RAPGEF2: variants seen among roughly 807,000 people sequenced by gnomAD.
The protein encoded by RAPGEF2 is Rap guanine nucleotide exchange factor 2, also known as PDZ domain containing guanine nucleotide exchange factor (GEF) 1.
RAPGEF2 carries 54 observed loss-of-function variants against 186.7 expected under a neutral mutation model. That is an observed-to-expected ratio of 0.29 (90% confidence interval 0.23 to 0.36). The LOEUF is 0.36. Ranked by LOEUF, RAPGEF2 falls within the 10% of genes least tolerant of loss-of-function variation. The pLI is 1.00. For missense variants in RAPGEF2, 1,532 were observed against 2,045.0 expected (o/e 0.75, Z 4.84); for synonymous variants, 712 against 705.9 (o/e 1.01, Z -0.14).
Position 159,250,665 on chromosome 4 carries a change from C to CTTTTT in RAPGEF2, c.543+6891_543+6895dup, listed in dbSNP as rs34304252. 1.9e-3 allele frequency among the ~76,000 whole-genome samples: 236 copies of CTTTTT among 122,972 alleles called. 1 individual carries two copies. Among genetic ancestry groups the CTTTTT allele is most frequent in the African/African-American group, 7.0e-3 (219 of 31,406 alleles). The allele number at this position is 122,972 out of a possible 152,430, so 80.7% of individuals were successfully genotyped here. A position where few individuals can be genotyped will look rare whatever the true frequency, so the allele number is the denominator to read the frequency against. On this transcript the variant is annotated intron_variant, in intron 7 of 29. Coordinates refer to ENST00000691494, the MANE Select transcript of RAPGEF2 (RefSeq NM_001394067.2). ...CCTTTCACCAATTATTAGCACTCTT[C>CTTTTT]TTTTTTTTTTTTTTTTTTTTTGGGA...
At chr4:159,120,863 T>G (rs565307158) in intron 1 of RAPGEF2, among the ~76,000 whole-genome samples, 2 of 152,176 alleles carry the variant, frequency 1.3e-5, no homozygotes, top group Non-Finnish European at 2.9e-5. Flanking sequence ...AATTATTTTA[T>G]TTTATTTTTG....
intron 25 of RAPGEF2, among the ~76,000 whole-genome samples, 169 bp from the exon 26 acceptor site, chr4:159,349,968 G>A (rs528515311): frequency 6.6e-6 from 1 of 152,284 alleles, no homozygotes; most frequent in South Asian, 2.1e-4. Flanking sequence ...ACTTCTGTAG[G>A]CACTTACTGT....
intron 9 of RAPGEF2, among the ~76,000 whole-genome samples, chr4:159,318,144 T>C (rs546170696): frequency 8.5e-5 from 13 of 152,158 alleles, no homozygotes; most frequent in East Asian, 1.9e-4. Flanking sequence ...ATGACAATTA[T>C]CATGTTTGCA....
At chr4:159,279,603 A>G (rs1759414011) in intron 7 of RAPGEF2, among the ~76,000 whole-genome samples, 1 of 152,226 alleles carries the variant, frequency 6.6e-6, no homozygotes, top group Non-Finnish European at 1.5e-5. Flanking sequence ...CCTCAGTCTT[A>G]GCCAGAATTG....
chr4:159,308,012 A>G (rs1301037889), intron 8 of RAPGEF2, among the ~76,000 whole-genome samples: 1 of 152,194 alleles, frequency 6.6e-6, no homozygotes, highest in Non-Finnish European at 1.5e-5. Flanking sequence ...CGATTGAGGC[A>G]TATTCTGAGG....
At position 159,353,529 on chromosome 4, in the gene RAPGEF2, A is replaced by G; in HGVS notation, c.4134A>G (p.Thr1378=). 1 of 1,532,840 alleles carries G rather than the reference A, an allele frequency of 6.5e-7. No homozygotes were observed. The highest frequency in any genetic ancestry group is 8.7e-7 in the Non-Finnish European group (1 of 1,143,298). The allele number at this position is 1,532,840 out of a possible 1,614,324, so 95.0% of individuals were successfully genotyped here. The change falls in exon 28 of 30, where the codon ACA becomes ACG. Residue 1378 remains threonine (T), a synonymous_variant. Coordinates refer to ENST00000691494, the MANE Select transcript of RAPGEF2 (RefSeq NM_001394067.2). This position sits in a 1 kb window ranked among gnomAD's most constrained non-coding sequence, Gnocchi z 4.3. ...PMSEGRGLYA[T]ATVISSPSTE... ...CCGAGGGCCGAGGCTTATATGCTAC[A>G]GCTACAGTAATTTCTTCTCCAAGCA... is the stretch of plus-strand genomic sequence containing the variant.
At position 159,103,143 on chromosome 4, in the gene RAPGEF2, A is replaced by G. The variant is rs955451202; in HGVS notation, c.-1020A>G. On this transcript the variant is annotated 5_prime_UTR_variant, in exon 1 of 30. Transcript: ENST00000691494. ...GAAGAGGCGGAGGAAGAGGAGGGGAATCGCCGCTTCCCAAACACTCTCTCC... is the reference window on the plus strand; with the variant it reads ...GAAGAGGCGGAGGAAGAGGAGGGGAGTCGCCGCTTCCCAAACACTCTCTCC... 2.6e-5 allele frequency: 4 copies of G among 151,922 alleles called. No individual in the cohort carries two copies. The highest frequency in any genetic ancestry group is 9.7e-5 in the African/African-American group (4 of 41,394). 9.4% of individuals were successfully genotyped at this position (151,922 alleles called of 1,614,324 possible).
At chr4:159,350,971 C>G in intron 26 of RAPGEF2, 51 of 1,364,954 alleles carry the variant, frequency 3.7e-5, no homozygotes, top group Non-Finnish European at 5.1e-5. Context: ...GTAGATATTT[C>G]AGACATCTGT....
intron 7 of RAPGEF2, among the ~76,000 whole-genome samples, chr4:159,253,284 T>C (rs946049143): frequency 6.6e-6 from 1 of 152,260 alleles, no homozygotes; most frequent in Non-Finnish European, 1.5e-5. Flanking sequence ...CTTACTCTCT[T>C]TTATTAAAAC....
chr4:159,299,411 A>T (rs540154349), intron 7 of RAPGEF2, among the ~76,000 whole-genome samples: 1 of 150,742 alleles, frequency 6.6e-6, no homozygotes, highest in East Asian at 1.9e-4. Flanking sequence ...ATCTTGGACC[A>T]TGAAACTCTC....
intron 4 of RAPGEF2, among the ~76,000 whole-genome samples, chr4:159,224,259 T>C (rs1045761032): frequency 6.6e-6 from 1 of 152,192 alleles, no homozygotes; most frequent in Non-Finnish European, 1.5e-5. Flanking sequence ...GAAAGCATCA[T>C]TGTGGCTGAA....
chr4:159,168,189 T>C (rs2111239589), intron 1 of RAPGEF2, among the ~76,000 whole-genome samples: 1 of 152,342 alleles, frequency 6.6e-6, no homozygotes, highest in Admixed American at 6.5e-5. Flanking sequence ...ATGTTGTTTT[T>C]GAGCCTGATT....
intron 4 of RAPGEF2, among the ~76,000 whole-genome samples, chr4:159,221,760 GT>G (rs1751561379): frequency 6.6e-6 from 1 of 152,108 alleles, no homozygotes; most frequent in Non-Finnish European, 1.5e-5. Flanking sequence ...CCTACTGAAA[GT>G]TGACTCAAGT....
At chr4:159,208,896 T>C (rs1750227133) in intron 3 of RAPGEF2, among the ~76,000 whole-genome samples, 1 of 152,036 alleles carries the variant, frequency 6.6e-6, no homozygotes, top group African/African-American at 2.4e-5. Flanking sequence ...ACAATTTTTT[T>C]TTTTGTTTTT....
At chr4:159,261,920 C>CT (rs1561168019) in intron 7 of RAPGEF2, among the ~76,000 whole-genome samples, 1 of 152,108 alleles carries the variant, frequency 6.6e-6, no homozygotes, top group East Asian at 1.9e-4. Context: ...TCATGTAGGT[C>CT]TTTATATTTA....
Position 159,358,292 on chromosome 4 carries a change from C to T in RAPGEF2, c.*153C>T. 1 of 659,454 alleles carries T rather than the reference C, an allele frequency of 1.5e-6. No individual in the cohort carries two copies. Among genetic ancestry groups the T allele is most frequent in the Non-Finnish European group, 2.6e-6 (1 of 387,572 alleles). The allele number at this position is 659,454 out of a possible 1,614,324, so 40.9% of individuals were successfully genotyped here. ...AAAGCAGCATGGGGCTTCTTCTCCC[C>T]TTCTTCCTTTCCCCTTTGCATGTGA... On this transcript the variant is annotated 3_prime_UTR_variant, in exon 30 of 30. Coordinates refer to ENST00000691494, the MANE Select transcript of RAPGEF2 (RefSeq NM_001394067.2).
At chr4:159,350,044 T>G (rs1730946681) in intron 25 of RAPGEF2, 93 bp from the exon 26 acceptor site, 4 of 797,692 alleles carry the variant, frequency 5.0e-6, no homozygotes, top group Non-Finnish European at 7.6e-6. Flanking sequence ...GTAATGATAT[T>G]AAATCTTAAC....
rs1764736253 is a variant in RAPGEF2 at position 159,317,443 on chromosome 4, A to T, written c.853+2675A>T. On this transcript the variant is annotated intron_variant, in intron 9 of 29. Transcript: ENST00000691494. The stretch of plus-strand genomic sequence containing the variant: ...GTGAACAAATAAACCTATTGCAGGC[A>T]GTGAGTGCAGTGAAGAAGAGTAAAG... Among the ~76,000 whole-genome samples, 3 of 152,330 alleles carry T rather than the reference A, an allele frequency of 2.0e-5. No individual in the cohort carries two copies. In the South Asian group the frequency reaches 6.2e-4, roughly 32 times the overall value.
At chr4:159,180,546 C>T (rs972632384) in intron 1 of RAPGEF2, among the ~76,000 whole-genome samples, 9 of 152,138 alleles carry the variant, frequency 5.9e-5, no homozygotes, top group Non-Finnish European at 1.0e-4. Context: ...TGGCACAGAC[C>T]GTTTAAAACA....
Sources: gnomAD v4.1 joint callset for allele counts (sites outside exome capture counted in the v4.1 genomes callset) on GRCh38, gnomAD v4.1.1 for gene constraint, Gnocchi (gnomAD v3.1) non-coding constraint, MANE v1.5 for transcripts, NCBI Gene and HGNC (gene_info 2026-07-23, HGNC 2026-07-21) for gene names.